ANKRD13C: variants seen among roughly 807,000 people sequenced by gnomAD.
The protein encoded by ANKRD13C is ankyrin repeat domain 13C, also known as ankyrin repeat domain-containing protein 13C.
A neutral mutation model predicts 65.5 loss-of-function variants in ANKRD13C; 16 were observed. The observed-to-expected ratio is 0.24, with a 90% CI of 0.17 to 0.37. The LOEUF (loss-of-function observed/expected upper bound fraction) is 0.37. Ranked by LOEUF, ANKRD13C falls within the 10% of genes least tolerant of loss-of-function variation. ANKRD13C has a pLI of 1.00. For synonymous variants in ANKRD13C, 235 were observed against 238.7 expected (o/e 0.98, Z 0.14); for missense variants, 503 against 655.9 (o/e 0.77, Z 2.55).
intron 3 of ANKRD13C, 115 bp from the exon 4 acceptor site, chr1:70,315,681 G>A (rs140299642): frequency 2.4e-4 from 160 of 670,690 alleles, no homozygotes; most frequent in African/African-American, 2.1e-3. Context: ...GCACGTGCAT[G>A]TATGTGTGTA....
intron 3 of ANKRD13C, among the ~76,000 whole-genome samples, chr1:70,318,610 A>G (rs540642503): frequency 1.7e-4 from 26 of 151,870 alleles, no homozygotes; most frequent in African/African-American, 5.8e-4. Flanking sequence ...TAGAGACCTT[A>G]GAGTTACTCT....
chr1:70,343,597 T>C (rs1682401661), intron 1 of ANKRD13C, among the ~76,000 whole-genome samples: 1 of 152,184 alleles, frequency 6.6e-6, no homozygotes, highest in Non-Finnish European at 1.5e-5. Flanking sequence ...TTGCCCAGGG[T>C]GGAGTGCAGT....
chr1:70,346,845 A>G (rs1682546504), intron 1 of ANKRD13C, among the ~76,000 whole-genome samples: 1 of 152,040 alleles, frequency 6.6e-6, no homozygotes, highest in Non-Finnish European at 1.5e-5. Flanking sequence ...TAATCCCAGC[A>G]TTTTGGGAGG....
chr1:70,271,512 C>T (rs1382523732), intron 11 of ANKRD13C, among the ~76,000 whole-genome samples: 4 of 152,096 alleles, frequency 2.6e-5, no homozygotes, highest in South Asian at 2.1e-4. Flanking sequence ...ACGACTGCTA[C>T]GTTTCTTGAA....
chr1:70,344,935 A>G (rs956569562), intron 1 of ANKRD13C, among the ~76,000 whole-genome samples: 6 of 152,060 alleles, frequency 3.9e-5, no homozygotes, highest in African/African-American at 1.4e-4. Flanking sequence ...TCCAAAACAA[A>G]TAAGTGACAT....
chr1:70,279,285 C>T (rs775479570), intron 9 of ANKRD13C, among the ~76,000 whole-genome samples: 58 of 151,920 alleles, frequency 3.8e-4, no homozygotes, highest in Non-Finnish European at 5.7e-4. Flanking sequence ...CGTTTTCTGC[C>T]GAACTACAGA....
At chr1:70,292,976 T>C (rs1443506710) in intron 8 of ANKRD13C, among the ~76,000 whole-genome samples, 1 of 152,028 alleles carries the variant, frequency 6.6e-6, no homozygotes, top group African/African-American at 2.4e-5. Context: ...AAAAGTGGAA[T>C]AAAAAGAAAT....
chr1:70,296,442 A>G (rs894286297), intron 7 of ANKRD13C, among the ~76,000 whole-genome samples, 181 bp from the exon 8 acceptor site: 1 of 152,194 alleles, frequency 6.6e-6, no homozygotes, highest in Non-Finnish European at 1.5e-5. Context: ...GTACATATTA[A>G]TATCTTCTCT....
chr1:70,262,961 T>C, intron 12 of ANKRD13C, 114 bp from the exon 13 acceptor site: 1 of 541,538 alleles, frequency 1.8e-6, no homozygotes, highest in South Asian at 2.6e-5. Context: ...AAAAAAAAAA[T>C]ACTCAAGAAC....
At chr1:70,276,740 A>C in intron 10 of ANKRD13C, 25 bp downstream of exon 10, 1 of 1,519,922 alleles carries the variant, frequency 6.6e-7, no homozygotes, top group Non-Finnish European at 9.0e-7. Flanking sequence ...AAACCAAATA[A>C]CACATAAACA....
At chr1:70,308,640 G>C (rs1680694846) in intron 5 of ANKRD13C, among the ~76,000 whole-genome samples, 1 of 151,402 alleles carries the variant, frequency 6.6e-6, no homozygotes, top group Non-Finnish European at 1.5e-5. Flanking sequence ...TCAGGAGGCT[G>C]AGGCAGGAGA....
intron 4 of ANKRD13C, among the ~76,000 whole-genome samples, chr1:70,314,684 T>C (rs1680998474): frequency 6.6e-6 from 1 of 151,764 alleles, no homozygotes; most frequent in South Asian, 2.1e-4. Flanking sequence ...TAATAGTAGA[T>C]ATCATTGCAA....
intron 10 of ANKRD13C, among the ~76,000 whole-genome samples, chr1:70,275,151 TATTCA>T (rs1018449475): frequency 8.5e-5 from 13 of 152,220 alleles, no homozygotes; most frequent in African/African-American, 3.1e-4. Flanking sequence ...TAAAGTCACT[TATTCA>T]ATTCAATCTT....
At chr1:70,337,884 G>A (rs902348825) in intron 1 of ANKRD13C, among the ~76,000 whole-genome samples, 1 of 152,172 alleles carries the variant, frequency 6.6e-6, no homozygotes, top group Non-Finnish European at 1.5e-5. Flanking sequence ...CGGATCACCT[G>A]AGGTCGGGAG....
In ANKRD13C at chr1:70,339,315, ATT is replaced by A. The variant is rs781339493; in HGVS notation, c.431-3218_431-3217del. On this transcript the variant is annotated intron_variant, in intron 1 of 12. Transcript: ENST00000370944. ...AAGATTTACTTTGAGCTATCATTCC[ATT>A]TTTTTTTTTTTTTTTTTGAGACAGA... Among the ~76,000 whole-genome samples the A allele has an allele frequency of 5.7e-3, 729 of 127,818 alleles. 3 individuals are homozygous for A. Among genetic ancestry groups the A allele is most frequent in the East Asian group, 9.5e-3 (41 of 4,294 alleles). The allele number at this position is 127,818 out of a possible 152,430, so 83.9% of individuals were successfully genotyped here. A position where few individuals can be genotyped will look rare whatever the true frequency, so the allele number is the denominator to read the frequency against.
rs894903982 is a variant in ANKRD13C at position 70,338,319 on chromosome 1, G to A, written c.431-2220C>T. ...ACACTCAAGTGAATTTTCCGCATTA[G>A]GAACTCTCAGTAAAGCACAGTTTTC... is the stretch of plus-strand genomic sequence containing the variant. On this transcript the variant is annotated intron_variant, in intron 1 of 12. Coordinates refer to ENST00000370944, the MANE Select transcript of ANKRD13C (RefSeq NM_030816.5). Among the ~76,000 whole-genome samples, 3 of 152,090 alleles carry A rather than the reference G, an allele frequency of 2.0e-5. No individual in the cohort carries two copies. In the South Asian group the frequency reaches 6.2e-4, roughly 31 times the overall value.
At chr1:70,278,593 C>T (rs1679246350) in intron 9 of ANKRD13C, among the ~76,000 whole-genome samples, 1 of 151,932 alleles carries the variant, frequency 6.6e-6, no homozygotes, top group East Asian at 1.9e-4. Flanking sequence ...GAAAACCTAA[C>T]AGGACTATGG....
At chr1:70,337,128 G>A (rs1187555347) in intron 1 of ANKRD13C, among the ~76,000 whole-genome samples, 1 of 148,594 alleles carries the variant, frequency 6.7e-6, no homozygotes, top group East Asian at 2.0e-4. Flanking sequence ...AGCTTGACAA[G>A]AGATCGGCCA....
chr1:70,287,155 T>G (rs1367393699), intron 9 of ANKRD13C, among the ~76,000 whole-genome samples: 1 of 152,046 alleles, frequency 6.6e-6, no homozygotes, highest in Non-Finnish European at 1.5e-5. Flanking sequence ...TTTAATAAAA[T>G]ATATGTAAGA....
Sources: allele counts gnomAD v4.1 joint callset (sites outside exome capture counted in the v4.1 genomes callset), GRCh38; gene constraint gnomAD v4.1.1; transcripts MANE v1.5; gene names NCBI Gene and HGNC (gene_info 2026-07-23, HGNC 2026-07-21).